LDB3: variants seen among roughly 807,000 people sequenced by gnomAD.
LDB3 encodes LIM domain-binding protein 3.
Under a neutral mutation model 69.0 loss-of-function variants are expected in LDB3, and 49 were observed. The ratio of observed to expected loss-of-function variants is 0.71; its 90% CI spans 0.56 to 0.90. The LOEUF (loss-of-function observed/expected upper bound fraction) is 0.90, where lower values mean the gene tolerates loss of function less well. Ranked by LOEUF, LDB3 falls within the 40% of genes least tolerant of loss-of-function variation. The pLI is 0.00. For missense variants in LDB3, 928 were observed against 974.1 expected (o/e 0.95, Z 0.63); for synonymous variants, 387 against 396.2 (o/e 0.98, Z 0.28).
chr10:86,674,019 C>A (rs1371573728), intron 2 of LDB3, among the ~76,000 whole-genome samples: 4 of 152,154 alleles, frequency 2.6e-5, no homozygotes, highest in Non-Finnish European at 4.4e-5. Flanking sequence ...ACCCAGGCCC[C>A]TCTAGGGACA....
chr10:86,682,157 A>G (rs1210754191), intron 5 of LDB3, among the ~76,000 whole-genome samples: 2 of 152,216 alleles, frequency 1.3e-5, no homozygotes, highest in African/African-American at 4.8e-5. Flanking sequence ...AGAACAGGAC[A>G]GCACAGCCTG....
At chr10:86,704,746 T>C (rs1303287416) in intron 7 of LDB3, among the ~76,000 whole-genome samples, 1 of 145,316 alleles carries the variant, frequency 6.9e-6, no homozygotes, top group Non-Finnish European at 1.5e-5. Flanking sequence ...GCCTGGCTGA[T>C]TTTGTTTTTG....
At position 86,710,153 on chromosome 10, in the gene LDB3, G is replaced by A. The variant is rs1846591742; in HGVS notation, c.1231+103G>A. On this transcript the variant is annotated intron_variant, in intron 9 of 13. Transcript: ENST00000361373. ...CTGGGGGCACATCCCCAGAAGAATG[G>A]GAAGCAAGGCCTTGCTAATGATGCT... 4 of 1,548,160 alleles carry A rather than the reference G, an allele frequency of 2.6e-6. No individual in the cohort carries two copies. The East Asian group carries it at 7.1e-5, about 28-fold the overall frequency.
At chr10:86,724,413 G>A (rs1847185711) in intron 12 of LDB3, among the ~76,000 whole-genome samples, 1 of 151,892 alleles carries the variant, frequency 6.6e-6, no homozygotes. Flanking sequence ...GACCATCCTG[G>A]CCAACATGGT....
rs186423112 is a variant in LDB3, at chr10:86,720,219, C to T, written c.1978+1372C>T. Among the ~76,000 whole-genome samples the T allele has an allele frequency of 2.6e-5, 4 of 152,240 alleles. No homozygotes were observed. In the East Asian group the frequency reaches 5.8e-4, roughly 22 times the overall value. On this transcript the variant is annotated intron_variant, in intron 12 of 13. Transcript: ENST00000361373. ...CAGCACTTTGAGAGGCCAAGGCAGG[C>T]GAATCACCTGAGGTCAGGAGTTCAA... is the stretch of plus-strand genomic sequence containing the variant.
intron 2 of LDB3, 51 bp from the exon 3 acceptor site, chr10:86,679,315 TC>T: frequency 6.2e-7 from 1 of 1,611,588 alleles, no homozygotes; most frequent in Non-Finnish European, 8.5e-7. Context: ...GACTGGCCTT[TC>T]CTCAGGACCA....
chr10:86,679,854 T>C (rs1845013929), intron 3 of LDB3, among the ~76,000 whole-genome samples: 2 of 152,232 alleles, frequency 1.3e-5, no homozygotes. Flanking sequence ...CCATGGATTC[T>C]GACCAAAATG....
intron 12 of LDB3, among the ~76,000 whole-genome samples, chr10:86,722,682 T>G (rs1374312838): frequency 6.7e-6 from 1 of 149,338 alleles, no homozygotes; most frequent in East Asian, 2.0e-4. Context: ...ATTCTCTGTC[T>G]CAGCCTCCCA....
chr10:86,710,418 C>T (rs928992942), intron 9 of LDB3: 5 of 210,678 alleles, frequency 2.4e-5, no homozygotes, highest in African/African-American at 7.1e-5. Flanking sequence ...GGCGAAACCC[C>T]ATCTCTACTA....
intron 9 of LDB3, among the ~76,000 whole-genome samples, chr10:86,715,987 C>A (rs74150398): frequency 0.05 from 7,540 of 152,186 alleles, 634 homozygotes; most frequent in African/African-American, 0.17. Flanking sequence ...CACCTCTCCC[C>A]GCCCAGGTAC....
rs1847593717 is a variant in LDB3 at position 86,735,255 on chromosome 10, AAAAAAC to A, written c.*2285_*2290del. 1 of 151,386 alleles carries A rather than the reference AAAAAAC, an allele frequency of 6.6e-6. No individual in the cohort carries two copies. The highest frequency in any genetic ancestry group is 2.4e-5 in the African/African-American group (1 of 41,268). 9.4% of individuals were successfully genotyped at this position (151,386 alleles called of 1,614,324 possible). ...TGCCAAAAAGACAAAACTAGCAAAA[AAAAAAC>A]AAAAAAACAAAAAAAAAACCACTTA... On this transcript the variant is annotated 3_prime_UTR_variant, in exon 14 of 14. Transcript: ENST00000361373.
chr10:86,719,839 A>C (rs1465712421), intron 12 of LDB3, among the ~76,000 whole-genome samples: 3 of 152,250 alleles, frequency 2.0e-5, no homozygotes, highest in African/African-American at 7.2e-5. Flanking sequence ...ACTTCATTAG[A>C]TAGGTGGAAG....
intron 2 of LDB3, among the ~76,000 whole-genome samples, chr10:86,673,804 C>T (rs766812835): frequency 2.6e-5 from 4 of 152,176 alleles, no homozygotes; most frequent in Non-Finnish European, 5.9e-5. Flanking sequence ...TACACTGGCA[C>T]ATCTAGAAGA....
chr10:86,717,634 A>T (rs1018388022), intron 10 of LDB3, among the ~76,000 whole-genome samples: 3 of 152,378 alleles, frequency 2.0e-5, no homozygotes, highest in Admixed American at 2.0e-4. Flanking sequence ...AGCCTGACAC[A>T]GAGTAATCAC....
rs397517221 is a variant in LDB3 at position 86,679,509 on chromosome 10, C to T, written c.236C>T (p.Thr79Ile). Residue 79 changes from threonine (T) to isoleucine (I), a missense_variant, in exon 3 of 14, where the codon ACC becomes ATC. Physicochemically the swap from Thr to Ile is moderately conservative, Grantham distance 89 (BLOSUM62 -1). Transcript: ENST00000361373. ...TCTGCCAGCTACAACTTGAGCCTCA[C>T]CCTGCAGAAGTAGGTGGGAGCTCTC... is the stretch of plus-strand genomic sequence containing the variant. ...IKSASYNLSLTLQKSKRPIPI... is the reference protein window; with the variant it reads ...IKSASYNLSLILQKSKRPIPI... The T allele has an allele frequency of 3.2e-5, 51 of 1,613,930 alleles. No homozygotes were observed. The highest frequency in any genetic ancestry group is 6.7e-5 in the East Asian group (3 of 44,882).
chr10:86,731,580 G>C (rs1420829278), intron 13 of LDB3, among the ~76,000 whole-genome samples: 2 of 152,100 alleles, frequency 1.3e-5, no homozygotes, highest in Non-Finnish European at 2.9e-5. Context: ...AAAATTTACT[G>C]AATCATCTTC....
chr10:86,692,910 A>G (rs1487104083), intron 7 of LDB3, among the ~76,000 whole-genome samples: 4 of 152,174 alleles, frequency 2.6e-5, no homozygotes, highest in African/African-American at 9.6e-5. Context: ...CGGCTGGCCA[A>G]CTTGCCCACC....
chr10:86,693,773 C>T (rs1564644560), intron 7 of LDB3, among the ~76,000 whole-genome samples: 1 of 152,256 alleles, frequency 6.6e-6, no homozygotes, highest in Non-Finnish European at 1.5e-5. Context: ...GCTCTCCCCT[C>T]CCGCTGTGCT....
chr10:86,697,569 T>C (rs1414497271), intron 7 of LDB3, among the ~76,000 whole-genome samples: 9 of 143,932 alleles, frequency 6.3e-5, no homozygotes, highest in Admixed American at 6.2e-4. Context: ...TTTTTTTTTT[T>C]TTGAGATGGA....
Sources: gnomAD v4.1 joint callset for allele counts (sites outside exome capture counted in the v4.1 genomes callset) on GRCh38, gnomAD v4.1.1 for gene constraint, MANE v1.5 for transcripts, NCBI Gene and HGNC (gene_info 2026-07-23, HGNC 2026-07-21) for gene names.